PTPRN2: variants seen among roughly 807,000 people sequenced by gnomAD.
The protein encoded by PTPRN2 is receptor-type tyrosine-protein phosphatase N2.
PTPRN2 carries 74 observed loss-of-function variants against 118.8 expected under a neutral mutation model. That is an observed-to-expected ratio of 0.62 (90% CI 0.52 to 0.76). PTPRN2 has a LOEUF of 0.76. Among genes scored for constraint, PTPRN2 ranks in the 30% least tolerant of loss-of-function variants. The pLI is 0.00. For synonymous variants in PTPRN2, 641 were observed against 608.0 expected, an observed-to-expected ratio of 1.05 and a Z score of -0.80; for missense variants, 1,481 against 1,394.4, an observed-to-expected ratio of 1.06 and a Z score of -0.99.
chr7:157,636,360 A>G (rs1372564840), intron 14 of PTPRN2, among the ~76,000 whole-genome samples: 1 of 152,202 alleles, frequency 6.6e-6, no homozygotes, highest in African/African-American at 2.4e-5. Flanking sequence ...CCTTTACCAA[A>G]TATCCTTTGT....
At chr7:157,979,954 GGTA>G (rs1312204010) in intron 11 of PTPRN2, among the ~76,000 whole-genome samples, 8 of 152,316 alleles carry the variant, frequency 5.3e-5, no homozygotes. Flanking sequence ...GTGAGTTCGG[GGTA>G]GTGTGTTGTA....
chr7:157,695,564 T>C (rs1765868198), intron 12 of PTPRN2, among the ~76,000 whole-genome samples: 1 of 152,226 alleles, frequency 6.6e-6, no homozygotes, highest in South Asian at 2.1e-4. Flanking sequence ...AAAGTAACAA[T>C]GAGTGCATTT....
intron 1 of PTPRN2, among the ~76,000 whole-genome samples, chr7:158,548,674 C>T (rs1281540272): frequency 6.6e-6 from 1 of 152,230 alleles, no homozygotes; most frequent in African/African-American, 2.4e-5. Context: ...TCCTTTTCAT[C>T]AGATACACTG....
chr7:157,709,075 C>T (rs1798470893), intron 12 of PTPRN2, among the ~76,000 whole-genome samples: 1 of 152,240 alleles, frequency 6.6e-6, no homozygotes, highest in African/African-American at 2.4e-5. Context: ...AGAGAGACAA[C>T]TGTGGCTTCT....
At chr7:157,663,847 T>A (rs13227074) in intron 13 of PTPRN2, among the ~76,000 whole-genome samples, 37,127 of 152,184 alleles carry the variant, frequency 0.24, 4,641 homozygotes, top group Admixed American at 0.28. Flanking sequence ...GTCCTTTACC[T>A]TAACATTTAA....
At chr7:158,341,767 GCT>G (rs1806864170) in intron 2 of PTPRN2, among the ~76,000 whole-genome samples, 7 of 136,250 alleles carry the variant, frequency 5.1e-5, no homozygotes, top group African/African-American at 1.5e-4. Context: ...CACCATAAGA[GCT>G]GACACCTGCA....
intron 12 of PTPRN2, among the ~76,000 whole-genome samples, chr7:157,761,544 C>T (rs1415547277): frequency 1.3e-5 from 2 of 150,784 alleles, no homozygotes; most frequent in Admixed American, 6.6e-5. Context: ...ACTGGCTAGC[C>T]ATATGTAGAA....
At chr7:157,599,637 A>G (rs1356276167) in intron 16 of PTPRN2, among the ~76,000 whole-genome samples, 3 of 152,192 alleles carry the variant, frequency 2.0e-5, no homozygotes, top group African/African-American at 7.2e-5. Context: ...AACAGCCTCC[A>G]TGGTGGCAGA....
chr7:158,337,190 C>G (rs1214901393), intron 2 of PTPRN2, among the ~76,000 whole-genome samples: 2 of 152,106 alleles, frequency 1.3e-5, no homozygotes, highest in African/African-American at 2.4e-5. Context: ...CACACCGACA[C>G]TCTCACCATA....
In PTPRN2 at chr7:157,548,945, C is replaced by T. The variant is rs765543946; in HGVS notation, c.2976+1G>A. 1 of 1,614,034 alleles carries T rather than the reference C, an allele frequency of 6.2e-7. No homozygotes were observed. Among genetic ancestry groups the T allele is most frequent in the Non-Finnish European group, 8.5e-7 (1 of 1,179,868 alleles). On this transcript the variant is annotated splice_donor_variant, in intron 22 of 22. Transcript: ENST00000389418. LOFTEE classifies it high-confidence loss of function. ...CGTCCCGGAGGAGAGACTGACAGTA[C>T]CTTCGTCTGGACCATGCCGGGTCTC...
intron 13 of PTPRN2, among the ~76,000 whole-genome samples, chr7:157,661,072 G>A (rs796082938): frequency 2.2e-4 from 34 of 152,360 alleles, no homozygotes; most frequent in African/African-American, 7.7e-4. Context: ...AGAATTTAGA[G>A]CTGGACAAGC....
At chr7:157,992,214 G>T (rs1585156653) in intron 11 of PTPRN2, among the ~76,000 whole-genome samples, 2 of 152,220 alleles carry the variant, frequency 1.3e-5, no homozygotes, top group South Asian at 4.1e-4. Flanking sequence ...CTGTGAGAAG[G>T]CCACCCTAAA....
chr7:158,036,038 C>G (rs1357450881), intron 11 of PTPRN2, among the ~76,000 whole-genome samples: 1 of 152,108 alleles, frequency 6.6e-6, no homozygotes, highest in South Asian at 2.1e-4. Flanking sequence ...AGAGCACAGA[C>G]ATGAGCAGAG....
intron 11 of PTPRN2, among the ~76,000 whole-genome samples, chr7:157,999,658 G>A (rs1187613515): frequency 6.6e-6 from 1 of 152,122 alleles, no homozygotes; most frequent in East Asian, 1.9e-4. Flanking sequence ...AAGAGGTGCT[G>A]TCTGCAGCTG....
rs1796663541 is a variant in PTPRN2 at position 157,676,267 on chromosome 7, A to G, written c.2001+6458T>C. Among the ~76,000 whole-genome samples the G allele has an allele frequency of 6.6e-6, 1 of 152,084 alleles. No homozygotes were observed. Among genetic ancestry groups the G allele is most frequent in the Admixed American group, 6.5e-5 (1 of 15,276 alleles). On this transcript the variant is annotated intron_variant, in intron 13 of 22. Transcript: ENST00000389418. This position sits in a 1 kb window ranked among gnomAD's most constrained non-coding sequence, Gnocchi z 5.6. Reference sequence around the variant, plus strand: ...CCTCTTGGGTCTGTCCCTACCCTGCAGATGGCTCCAGCACCTGCCCCAGCC... The same window carrying G: ...CCTCTTGGGTCTGTCCCTACCCTGCGGATGGCTCCAGCACCTGCCCCAGCC...
At chr7:158,531,125 G>C (rs763999399) in intron 1 of PTPRN2, among the ~76,000 whole-genome samples, 1 of 152,174 alleles carries the variant, frequency 6.6e-6, no homozygotes, top group Non-Finnish European at 1.5e-5. Flanking sequence ...CCTAAGCTGC[G>C]ATGAGGGAAC....
intron 12 of PTPRN2, among the ~76,000 whole-genome samples, chr7:157,879,904 C>G (rs879185978): frequency 6.7e-6 from 1 of 149,634 alleles, no homozygotes; most frequent in Admixed American, 6.6e-5. Flanking sequence ...CCTGAGCAGA[C>G]AAATATGAAT....
intron 12 of PTPRN2, among the ~76,000 whole-genome samples, chr7:157,790,059 G>A (rs1415454746): frequency 1.7e-5 from 2 of 120,000 alleles, no homozygotes; most frequent in Non-Finnish European, 3.4e-5. Context: ...TTTGTGTGGT[G>A]TGAATGTGTG....
At chr7:158,467,434 C>T (rs2129443841) in intron 2 of PTPRN2, among the ~76,000 whole-genome samples, 1 of 152,292 alleles carries the variant, frequency 6.6e-6, no homozygotes. Flanking sequence ...GTTTCCTTTA[C>T]CGCACGGCAG....
Sources: gnomAD v4.1 joint callset for allele counts (sites outside exome capture counted in the v4.1 genomes callset) on GRCh38, gnomAD v4.1.1 for gene constraint, Gnocchi (gnomAD v3.1) non-coding constraint, MANE v1.5 for transcripts, NCBI Gene and HGNC (gene_info 2026-07-23, HGNC 2026-07-21) for gene names.